The following NYAP2 variants were observed in gnomAD, a reference collection of about 807,000 sequenced individuals.
The protein encoded by NYAP2 is neuronal tyrosine-phosphorylated phosphoinositide-3-kinase adaptor 2, also known as neuronal tyrosine-phosphorylated phosphoinositide-3-kinase adapter 2.
A neutral mutation model predicts 50.4 loss-of-function variants in NYAP2; 23 were observed. The observed-to-expected ratio is 0.46, with a 90% CI of 0.33 to 0.65. The LOEUF (loss-of-function observed/expected upper bound fraction) is 0.65, where lower values mean the gene tolerates loss of function less well. Ranked by LOEUF, NYAP2 falls within the 30% of genes least tolerant of loss-of-function variation. The pLI is 0.02. For synonymous variants in NYAP2, 394 were observed against 365.2 expected (o/e 1.08, Z -0.90); for missense variants, 885 against 861.0 (o/e 1.03, Z -0.35).
chr2:225,623,947 AG>A (rs1693166615), intron 5 of NYAP2, among the ~76,000 whole-genome samples: 1 of 152,236 alleles, frequency 6.6e-6, no homozygotes, highest in African/African-American at 2.4e-5. Flanking sequence ...TTAGAACTAC[AG>A]TGATCAATAT....
At chr2:225,645,714 C>T (rs904183860) in intron 6 of NYAP2, among the ~76,000 whole-genome samples, 4 of 152,144 alleles carry the variant, frequency 2.6e-5, no homozygotes, top group Non-Finnish European at 5.9e-5. Flanking sequence ...AAAGCTCTGT[C>T]TTAGATCTCT....
At chr2:225,477,268 A>C (rs1173388063) in intron 3 of NYAP2, among the ~76,000 whole-genome samples, 2 of 106,354 alleles carry the variant, frequency 1.9e-5, no homozygotes, top group African/African-American at 3.8e-5. Context: ...ACGGAGTCTC[A>C]CTCTTTCACC....
chr2:225,602,678 C>T (rs948564778), intron 5 of NYAP2, among the ~76,000 whole-genome samples: 1 of 152,136 alleles, frequency 6.6e-6, no homozygotes, highest in Admixed American at 6.5e-5. Context: ...TATTCTTTTA[C>T]ATATGGATAT....
intron 3 of NYAP2, among the ~76,000 whole-genome samples, chr2:225,461,534 G>A (rs756611192): frequency 2.6e-5 from 4 of 152,174 alleles, no homozygotes; most frequent in Non-Finnish European, 5.9e-5. Flanking sequence ...CTGTGTCTAC[G>A]GAGGTAGACC....
chr2:225,500,141 C>T (rs1023216768), intron 3 of NYAP2, among the ~76,000 whole-genome samples: 5 of 152,112 alleles, frequency 3.3e-5, no homozygotes, highest in African/African-American at 1.2e-4. Context: ...AGGGACCTCT[C>T]ATTGGAGAAC....
intron 4 of NYAP2, among the ~76,000 whole-genome samples, chr2:225,548,138 C>A (rs1197286119): frequency 6.6e-6 from 1 of 151,592 alleles, no homozygotes; most frequent in Non-Finnish European, 1.5e-5. Flanking sequence ...ACTTACCCCA[C>A]TGGAGCAGTT....
At chr2:225,647,569 C>T (rs1246872360) in intron 6 of NYAP2, among the ~76,000 whole-genome samples, 1 of 151,880 alleles carries the variant, frequency 6.6e-6, no homozygotes. Context: ...GCGAGAGAGG[C>T]TTGAAACTAG....
chr2:225,665,193 T>G, the NYAP2 span, among the ~76,000 whole-genome samples: 2 of 152,060 alleles, frequency 1.3e-5, no homozygotes, highest in Non-Finnish European at 2.9e-5. Context: ...GAAGCTGAAC[T>G]TTGCTCTTTT....
downstream of NYAP2, among the ~76,000 whole-genome samples, chr2:225,654,568 C>T (rs1175092503): frequency 6.6e-6 from 1 of 152,056 alleles, no homozygotes; most frequent in Non-Finnish European, 1.5e-5. Context: ...CCTGTAATCC[C>T]AGCTACTTGG....
chr2:225,642,319 G>T (rs759490645), intron 6 of NYAP2, among the ~76,000 whole-genome samples: 20 of 152,064 alleles, frequency 1.3e-4, no homozygotes, highest in Non-Finnish European at 2.5e-4. Flanking sequence ...AAATCAGATT[G>T]ACCCCCAATA....
the NYAP2 span, among the ~76,000 whole-genome samples, chr2:225,667,388 C>T: frequency 6.6e-6 from 1 of 152,022 alleles, no homozygotes; most frequent in Non-Finnish European, 1.5e-5. Flanking sequence ...TGAAGTCATA[C>T]AATTTGTCAG....
chr2:225,606,181 A>G (rs1318112282), intron 5 of NYAP2, among the ~76,000 whole-genome samples: 1 of 152,146 alleles, frequency 6.6e-6, no homozygotes, highest in Non-Finnish European at 1.5e-5. Context: ...ATTAGGGCTA[A>G]GTATGAACTG....
At chr2:225,620,033 G>A (rs998139432) in intron 5 of NYAP2, among the ~76,000 whole-genome samples, 1 of 152,194 alleles carries the variant, frequency 6.6e-6, no homozygotes, top group African/African-American at 2.4e-5. Flanking sequence ...TGCTGGGGCT[G>A]TAACTGTGAA....
At chr2:225,400,090 A>G (rs1221518935) in exon 1 of NYAP2, 2 of 152,066 alleles carry the variant, frequency 1.3e-5, no homozygotes, top group Non-Finnish European at 2.9e-5. Flanking sequence ...TCCAAAGTAG[A>G]ACGATGCCGC....
At chr2:225,415,047 C>T (rs913275364) in intron 3 of NYAP2, among the ~76,000 whole-genome samples, 6 of 152,018 alleles carry the variant, frequency 3.9e-5, no homozygotes, top group Admixed American at 1.3e-4. Flanking sequence ...AGACAGCTCT[C>T]GACTTTAGCA....
At chr2:225,401,850 T>C (rs1455871774) in intron 2 of NYAP2, among the ~76,000 whole-genome samples, 1 of 151,998 alleles carries the variant, frequency 6.6e-6, no homozygotes, top group Non-Finnish European at 1.5e-5. Flanking sequence ...TTTTTCTAAA[T>C]ATAGCCGAAA....
chr2:225,696,190 T>C, the NYAP2 span, among the ~76,000 whole-genome samples: 1 of 152,002 alleles, frequency 6.6e-6, no homozygotes, highest in Non-Finnish European at 1.5e-5. Context: ...GAGTTTGATA[T>C]AGGTCTGTAT....
chr2:225,614,506 A>G (rs1312828283), intron 5 of NYAP2, among the ~76,000 whole-genome samples: 2 of 152,208 alleles, frequency 1.3e-5, no homozygotes, highest in African/African-American at 2.4e-5. Flanking sequence ...AGGATTTAAA[A>G]TATCTATTCA....
At chr2:225,514,014 G>C (rs150077548) in intron 4 of NYAP2, among the ~76,000 whole-genome samples, 16 of 152,178 alleles carry the variant, frequency 1.1e-4, no homozygotes, top group Non-Finnish European at 2.2e-4. Flanking sequence ...TGATTATCAA[G>C]GGGACATTTT....
Sources: allele counts gnomAD v4.1 joint callset (sites outside exome capture counted in the v4.1 genomes callset), GRCh38; gene constraint gnomAD v4.1.1; transcripts MANE v1.5; gene names NCBI Gene and HGNC (gene_info 2026-07-23, HGNC 2026-07-21).